The following GTF2E2 variants were observed in gnomAD, a reference collection of about 807,000 sequenced individuals.
The protein encoded by GTF2E2 is transcription initiation factor IIE subunit beta.
Under a neutral mutation model 40.5 loss-of-function variants are expected in GTF2E2, and 21 were observed. That is an observed-to-expected ratio of 0.52 (90% CI 0.37 to 0.75). The LOEUF is 0.75. GTF2E2 is among the 30% of genes least tolerant of loss of function. GTF2E2 has a pLI of 0.00. For synonymous variants in GTF2E2, 117 were observed against 121.6 expected, an observed-to-expected ratio of 0.96 and a Z score of 0.25; for missense variants, 298 against 338.4, an observed-to-expected ratio of 0.88 and a Z score of 0.94.
chr8:30,635,202 G>T, intron 2 of GTF2E2, 79 bp from the exon 3 acceptor site: 5 of 758,308 alleles, frequency 6.6e-6, no homozygotes, highest in East Asian at 2.6e-5. Context: ...TTTTAATGCT[G>T]GTAACATATT....
chr8:30,620,530 T>A (rs538736649), intron 3 of GTF2E2, among the ~76,000 whole-genome samples: 3 of 152,252 alleles, frequency 2.0e-5, no homozygotes, highest in African/African-American at 7.2e-5. Flanking sequence ...TATCTCTATC[T>A]TTTTCATTTC....
intron 2 of GTF2E2, among the ~76,000 whole-genome samples, chr8:30,644,891 T>C (rs534533007): frequency 2.9e-4 from 44 of 152,122 alleles, no homozygotes; most frequent in African/African-American, 9.9e-4. Flanking sequence ...GCTGGGACTA[T>C]AGGCACACAC....
intron 1 of GTF2E2, among the ~76,000 whole-genome samples, chr8:30,655,780 C>G (rs1802431504): frequency 6.6e-6 from 1 of 152,032 alleles, no homozygotes; most frequent in Non-Finnish European, 1.5e-5. Flanking sequence ...GACGGTGAAT[C>G]AAAAACCTGC....
At chr8:30,583,919 T>C (rs557419654) in intron 6 of GTF2E2, among the ~76,000 whole-genome samples, 155 of 150,438 alleles carry the variant, frequency 1.0e-3, no homozygotes, top group African/African-American at 3.7e-3. Context: ...CATTCTCCTG[T>C]CTCAGCCTCC....
At chr8:30,640,645 T>C (rs1422306970) in intron 2 of GTF2E2, among the ~76,000 whole-genome samples, 4 of 152,214 alleles carry the variant, frequency 2.6e-5, no homozygotes, top group East Asian at 1.9e-4. Flanking sequence ...TTGCTTAATA[T>C]AAACTTACAT....
At chr8:30,580,164 C>T (rs916087310) in intron 7 of GTF2E2, 117 bp downstream of exon 7, 8 of 676,238 alleles carry the variant, frequency 1.2e-5, no homozygotes, top group Middle Eastern at 2.8e-4. Flanking sequence ...ACCTGGGCTG[C>T]GGACACTGAG....
intron 6 of GTF2E2, among the ~76,000 whole-genome samples, chr8:30,595,043 G>A (rs535893031): frequency 6.6e-6 from 1 of 152,206 alleles, no homozygotes; most frequent in East Asian, 1.9e-4. Flanking sequence ...TGTTCATTTA[G>A]ATTAGCTGGA....
chr8:30,625,374 G>GTTACCCTCTTACCAC (rs1458411816), intron 3 of GTF2E2, among the ~76,000 whole-genome samples: 2 of 152,096 alleles, frequency 1.3e-5, no homozygotes, highest in Non-Finnish European at 2.9e-5. Context: ...GGTTTTCACA[G>GTTACCCTCTTACCAC]TTACCCTCTT....
intron 3 of GTF2E2, among the ~76,000 whole-genome samples, chr8:30,626,880 A>T (rs1801293668): frequency 1.3e-5 from 2 of 152,254 alleles, no homozygotes; most frequent in African/African-American, 4.8e-5. Context: ...AAAATCACTG[A>T]AATAGAAATC....
intron 6 of GTF2E2, among the ~76,000 whole-genome samples, chr8:30,586,651 G>A (rs1342396631): frequency 3.3e-5 from 5 of 152,066 alleles, no homozygotes; most frequent in South Asian, 2.1e-4. Context: ...ACAATGCTAC[G>A]GTAATCAAAA....
At position 30,580,425 on chromosome 8, in the gene GTF2E2, C is replaced by T. The variant is rs183373519; in HGVS notation, c.644-29G>A. On this transcript the variant is annotated intron_variant, in intron 6 of 7. Transcript: ENST00000355904. ...TATCAAACAGACACTAGTTATTTTA[C>T]AATCCATTTTTACAAACTATAGCAT... 1.5e-5 allele frequency: 18 copies of T among 1,209,436 alleles called. No homozygotes were observed. In the East Asian group the frequency reaches 2.8e-4, roughly 19 times the overall value. 74.9% of individuals were successfully genotyped at this position (1,209,436 alleles called of 1,614,324 possible). A position where few individuals can be genotyped will look rare whatever the true frequency, so the allele number is the denominator to read the frequency against.
chr8:30,584,825 T>A (rs1828624533), intron 6 of GTF2E2: 1 of 152,202 alleles, frequency 6.6e-6, no homozygotes, highest in Admixed American at 6.5e-5. Context: ...GTTACCACAT[T>A]TCCTGCACAA....
At chr8:30,654,200 T>C (rs1468372236) in intron 1 of GTF2E2, among the ~76,000 whole-genome samples, 1 of 152,090 alleles carries the variant, frequency 6.6e-6, no homozygotes, top group Non-Finnish European at 1.5e-5. Flanking sequence ...ATTAAACATG[T>C]GAAATGTGGC....
chr8:30,633,707 T>C (rs980265179), intron 3 of GTF2E2, among the ~76,000 whole-genome samples: 1 of 152,186 alleles, frequency 6.6e-6, no homozygotes, highest in Admixed American at 6.5e-5. Context: ...GTGACAGCCC[T>C]GAGGGTGGCA....
intron 6 of GTF2E2, among the ~76,000 whole-genome samples, chr8:30,594,315 T>C (rs995920625): frequency 1.3e-5 from 2 of 151,804 alleles, no homozygotes; most frequent in African/African-American, 4.8e-5. Flanking sequence ...TGGAATGCAA[T>C]GGCGCGATCT....
At chr8:30,591,397 T>C (rs1313001941) in intron 6 of GTF2E2, among the ~76,000 whole-genome samples, 1 of 152,084 alleles carries the variant, frequency 6.6e-6, no homozygotes, top group Admixed American at 6.5e-5. Context: ...GAAGGGAGGA[T>C]TGCATGACCC....
intron 2 of GTF2E2, among the ~76,000 whole-genome samples, chr8:30,646,979 C>CAAAAAAAAAAA (rs56762565): frequency 2.0e-5 from 1 of 51,200 alleles, no homozygotes; most frequent in Non-Finnish European, 3.2e-5. Flanking sequence ...GACTCCGTCT[C>CAAAAAAAAAAA]AAAAAAAAAA....
chr8:30,603,889 G>C (rs968285222), intron 6 of GTF2E2, among the ~76,000 whole-genome samples: 1 of 151,830 alleles, frequency 6.6e-6, no homozygotes, highest in Admixed American at 6.6e-5. Context: ...AATTAAGTCC[G>C]AGGGCCACGC....
At chr8:30,653,379 T>A in intron 2 of GTF2E2, 54 bp downstream of exon 2, 2 of 1,394,208 alleles carry the variant, frequency 1.4e-6, no homozygotes, top group Non-Finnish European at 2.0e-6. Context: ...ACTAAACGGT[T>A]TCCTCCTGAA....
Sources: allele counts gnomAD v4.1 joint callset (sites outside exome capture counted in the v4.1 genomes callset), GRCh38; gene constraint gnomAD v4.1.1; transcripts MANE v1.5; gene names NCBI Gene and HGNC (gene_info 2026-07-23, HGNC 2026-07-21).